The following CEP120 variants were observed in gnomAD, a reference collection of about 807,000 sequenced individuals.
CEP120 encodes the protein centrosomal protein of 120 kDa.
In CEP120, 113 loss-of-function variants were observed where a neutral mutation model predicts 126.5. The observed-to-expected ratio is 0.89, with a 90% CI of 0.77 to 1.04. The LOEUF is 1.04. Among genes scored for constraint, CEP120 ranks in the 50% least tolerant of loss-of-function variants. CEP120 has a pLI of 0.00. For synonymous variants in CEP120, 400 were observed against 394.3 expected, an observed-to-expected ratio of 1.01 and a Z score of -0.17; for missense variants, 1,230 against 1,155.7, an observed-to-expected ratio of 1.06 and a Z score of -0.93.
Position 123,382,832 on chromosome 5 carries a change from C to A in CEP120, c.1918G>T (p.Glu640Ter), listed in dbSNP as rs780931121. The A allele has an allele frequency of 6.2e-7, 1 of 1,613,486 alleles. No individual in the cohort carries two copies. The highest frequency in any genetic ancestry group is 8.5e-7 in the Non-Finnish European group (1 of 1,179,678). The change falls in exon 13 of 20, where the codon GAG becomes TAG. Residue 640 changes from glutamate (E) to a stop codon, truncating the protein, a stop_gained. Coordinates refer to ENST00000306467, the MANE Select transcript of CEP120 (RefSeq NM_001375405.1). LOFTEE classifies it high-confidence loss of function. ...GTTTCACGAGGCTCTGTCTGGATCT[C>A]TGAAGGACAAGGTGCTGGAGGAAGA... The part of the protein sequence containing the change: ...SSLPPAPCPS[E>*]IQTEPRETLE...
chr5:123,423,333 G>T lies in CEP120; in HGVS notation c.-335C>A. 2 of 343,628 alleles carry T rather than the reference G, an allele frequency of 5.8e-6. No homozygotes were observed. The highest frequency in any genetic ancestry group is 3.7e-5 in the South Asian group (1 of 27,206). 21.3% of individuals were successfully genotyped at this position (343,628 alleles called of 1,614,324 possible). On this transcript the variant is annotated 5_prime_UTR_variant, in exon 1 of 20. Transcript: ENST00000306467. ...AAACGCCCGGGCGGCCGCAGCGGCC[G>T]CCGCCGCGCCCAGCTTCCGCCTAGC...
rs1197541871 is a variant in CEP120 at position 123,345,982 on chromosome 5, C to G, written c.*537G>C. 6.6e-6 allele frequency: 1 copy of G among 152,444 alleles called. No homozygotes were observed. Among genetic ancestry groups the G allele is most frequent in the Non-Finnish European group, 1.5e-5 (1 of 68,054 alleles). 9.4% of individuals were successfully genotyped at this position (152,444 alleles called of 1,614,324 possible). On this transcript the variant is annotated 3_prime_UTR_variant, in exon 20 of 20. Transcript: ENST00000306467. Reference sequence around the variant, plus strand: ...ATTTAAATAAATGACCAATCTGTCACCCAACATGTCATGTGGCTTCTCTGC... The same window carrying G: ...ATTTAAATAAATGACCAATCTGTCAGCCAACATGTCATGTGGCTTCTCTGC...
At chr5:123,405,847 AAAC>A (rs937877631) in intron 4 of CEP120, among the ~76,000 whole-genome samples, 73 of 152,038 alleles carry the variant, frequency 4.8e-4, no homozygotes, top group African/African-American at 1.7e-3. Flanking sequence ...TGAAGAGACT[AAAC>A]AAGCATCAGA....
chr5:123,381,512 T>G (rs1037928340), intron 14 of CEP120, among the ~76,000 whole-genome samples: 4 of 152,126 alleles, frequency 2.6e-5, no homozygotes, highest in Non-Finnish European at 4.4e-5. Flanking sequence ...TTGTTTTATT[T>G]AATAACTTCA....
intron 3 of CEP120, among the ~76,000 whole-genome samples, chr5:123,415,642 G>A (rs1323635131): frequency 1.3e-5 from 2 of 152,136 alleles, no homozygotes; most frequent in South Asian, 2.1e-4. Flanking sequence ...GGGAAGCCAA[G>A]GCAGGCAGAT....
rs547051229 is a variant in CEP120, at chr5:123,401,328, C to T, written c.464-2044G>A. On this transcript the variant is annotated intron_variant, in intron 4 of 19. Transcript: ENST00000306467. ...TTAATGGCCAGCTCTCCACACTGCT[C>T]GGCATCTGCAATGGCGGCCTCCAGG... The T allele has an allele frequency of 1.8e-5, 29 of 1,602,308 alleles. No individual in the cohort carries two copies. The Middle Eastern group carries it at 5.3e-4, about 29-fold the overall frequency.
chr5:123,360,985 G>T (rs1216481188), intron 18 of CEP120, among the ~76,000 whole-genome samples: 1 of 151,554 alleles, frequency 6.6e-6, no homozygotes, highest in Non-Finnish European at 1.5e-5. Flanking sequence ...TTCTTGCATA[G>T]ATACTTCTCA....
In CEP120 at chr5:123,350,179, C is replaced by G. The variant is rs796863868; in HGVS notation, c.2581-90G>C. Reference sequence around the variant, plus strand: ...GACTTGTGATTATAATCCTATTTGACAACACCCATGATATAGCCACACACT... The same window carrying G: ...GACTTGTGATTATAATCCTATTTGAGAACACCCATGATATAGCCACACACT... On this transcript the variant is annotated intron_variant, in intron 18 of 19. Coordinates refer to ENST00000306467, the MANE Select transcript of CEP120 (RefSeq NM_001375405.1). The G allele has an allele frequency of 1.0e-4, 119 of 1,195,804 alleles. No homozygotes were observed. The African/African-American group carries it at 1.7e-3, about 17-fold the overall frequency. 74.1% of individuals were successfully genotyped at this position (1,195,804 alleles called of 1,614,324 possible).
chr5:123,385,139 G>A lies in CEP120; in HGVS notation c.1581-6C>T, dbSNP rs765441006. 2.7e-5 allele frequency: 43 copies of A among 1,606,894 alleles called. No homozygotes were observed. The highest frequency in any genetic ancestry group is 1.8e-4 in the Middle Eastern group (1 of 5,588). ...GTTCAACCAGTAATGGAATCCTAAG[G>A]AAGAGAGAAACATGTGTTCATACCT... On this transcript the variant is annotated splice_polypyrimidine_tract_variant and splice_region_variant and intron_variant, in intron 10 of 19. Transcript: ENST00000306467.
intron 4 of CEP120, among the ~76,000 whole-genome samples, chr5:123,399,803 T>G (rs1277667289): frequency 6.6e-6 from 1 of 152,200 alleles, no homozygotes; most frequent in African/African-American, 2.4e-5. Context: ...CATACAGTCC[T>G]TCTGTATGCT....
At chr5:123,386,698 A>AAAATTACAGAAACTTCTTTGTGATGTGT in intron 9 of CEP120, 31 bp from the exon 10 acceptor site, 1 of 1,293,736 alleles carries the variant, frequency 7.7e-7, no homozygotes, top group Non-Finnish European at 1.0e-6. Flanking sequence ...AAAAAAAAAA[A>AAAATTACAGAAACTTCTTTGTGATGTGT]GCCTTAATGA....
chr5:123,401,445 G>A (rs1773228230), intron 4 of CEP120: 1 of 1,325,174 alleles, frequency 7.5e-7, no homozygotes, highest in Non-Finnish European at 1.1e-6. Context: ...GTGCACCGCA[G>A]GTTATCCCCA....
intron 18 of CEP120, among the ~76,000 whole-genome samples, chr5:123,362,265 A>G (rs1258576876): frequency 1.3e-5 from 2 of 151,742 alleles, no homozygotes; most frequent in East Asian, 3.9e-4. Flanking sequence ...CTTAGGATAT[A>G]CCAACTCACG....
intron 13 of CEP120, 41 bp downstream of exon 13, chr5:123,382,696 C>A: frequency 6.4e-7 from 1 of 1,562,320 alleles, no homozygotes; most frequent in Non-Finnish European, 8.7e-7. Context: ...ATATACAGAG[C>A]AGACAAAGCA....
chr5:123,387,309 T>C (rs1214539963), intron 9 of CEP120, among the ~76,000 whole-genome samples: 4 of 152,184 alleles, frequency 2.6e-5, no homozygotes, highest in Non-Finnish European at 5.9e-5. Context: ...GAATTCTATG[T>C]AGTCACCCAA....
chr5:123,346,887 C>A (rs970213053), intron 19 of CEP120, 134 bp from the exon 20 acceptor site: 14 of 622,878 alleles, frequency 2.2e-5, no homozygotes, highest in African/African-American at 5.6e-5. Context: ...CCAAAAAAAA[C>A]CAGTGTTCCA....
rs1228889156 is a variant in CEP120, at chr5:123,374,480, G to GT, written c.2359-1709dup. 2.8e-3 allele frequency among the ~76,000 whole-genome samples: 426 copies of GT among 151,432 alleles called. 3 individuals are homozygous for GT. Among genetic ancestry groups the GT allele is most frequent in the African/African-American group, 9.7e-3 (400 of 41,324 alleles). ...TACGAAGATGTTCTTTTTTGAATGA[G>GT]TTTTTTTTTAAATGCGAACAAAGAT... On this transcript the variant is annotated intron_variant, in intron 16 of 19. Coordinates refer to ENST00000306467, the MANE Select transcript of CEP120 (RefSeq NM_001375405.1).
chr5:123,416,995 T>C (rs1328319662), intron 2 of CEP120, among the ~76,000 whole-genome samples: 1 of 152,242 alleles, frequency 6.6e-6, no homozygotes, highest in Admixed American at 6.5e-5. Flanking sequence ...AACTGGCTCA[T>C]GCATTAAGCT....
rs188021787 is a variant in CEP120 at position 123,386,900 on chromosome 5, T to C, written c.1431-233A>G. Among the ~76,000 whole-genome samples, 279 of 152,268 alleles carry C rather than the reference T, an allele frequency of 1.8e-3. 1 individual carries two copies. Among genetic ancestry groups the C allele is most frequent in the African/African-American group, 6.4e-3 (264 of 41,560 alleles). On this transcript the variant is annotated intron_variant, in intron 9 of 19. Transcript: ENST00000306467. ...AGGGACACAGGCAGTTTCTGCCATA[T>C]ATAAATATTCAAGAAATGCTTCCTA... is the stretch of plus-strand genomic sequence containing the variant.
Sources: gnomAD v4.1 joint callset for allele counts (sites outside exome capture counted in the v4.1 genomes callset) on GRCh38, gnomAD v4.1.1 for gene constraint, MANE v1.5 for transcripts, NCBI Gene and HGNC (gene_info 2026-07-23, HGNC 2026-07-21) for gene names.